ST7L: variants seen among roughly 807,000 people sequenced by gnomAD.
ST7L encodes suppression of tumorigenicity 7 like, also known as suppressor of tumorigenicity 7 protein-like.
ST7L carries 57 observed loss-of-function variants against 72.5 expected under a neutral mutation model. The ratio of observed to expected loss-of-function variants is 0.79; its 90% CI spans 0.64 to 0.98. ST7L has a LOEUF of 0.98. ST7L is among the 50% of genes least tolerant of loss of function. The pLI is 0.00. For missense variants in ST7L, 576 were observed against 672.2 expected, an observed-to-expected ratio of 0.86 and a Z score of 1.58; for synonymous variants, 221 against 240.9, an observed-to-expected ratio of 0.92 and a Z score of 0.77.
At chr1:112,602,988 G>A (rs568773788) in intron 3 of ST7L, among the ~76,000 whole-genome samples, 2 of 150,908 alleles carry the variant, frequency 1.3e-5, no homozygotes, top group South Asian at 4.2e-4. Context: ...AAACTGCTGG[G>A]ATTATAGGCA....
At chr1:112,519,225 A>T (rs1266438909), downstream of ST7L, among the ~76,000 whole-genome samples, 2 of 152,206 alleles carry the variant, frequency 1.3e-5, no homozygotes, top group African/African-American at 4.8e-5. Context: ...TATCTCCATT[A>T]TATGTATATT....
intron 11 of ST7L, among the ~76,000 whole-genome samples, chr1:112,557,234 A>T (rs983836784): frequency 6.6e-6 from 1 of 152,122 alleles, no homozygotes; most frequent in Non-Finnish European, 1.5e-5. Flanking sequence ...TGTACCCTTT[A>T]GTTACAACTC....
intron 13 of ST7L, among the ~76,000 whole-genome samples, chr1:112,549,481 A>C (rs1190049307): frequency 6.6e-6 from 1 of 152,104 alleles, no homozygotes; most frequent in Non-Finnish European, 1.5e-5. Context: ...AATTTCTCTC[A>C]GCTATATTTT....
intron 11 of ST7L, among the ~76,000 whole-genome samples, chr1:112,563,097 T>TATAATA (rs146284524): frequency 0.034 from 5,161 of 149,718 alleles, 279 homozygotes; most frequent in African/African-American, 0.11. Context: ...TTACTTTTGT[T>TATAATA]ATAATAATAA....
At chr1:112,605,829 C>T (rs1668156717) in intron 3 of ST7L, among the ~76,000 whole-genome samples, 1 of 152,212 alleles carries the variant, frequency 6.6e-6, no homozygotes, top group African/African-American at 2.4e-5. Flanking sequence ...GTGGCCTGGC[C>T]CCAGAAACTG....
chr1:112,619,227 T>C (rs1475161964), upstream of ST7L: 3 of 985,584 alleles, frequency 3.0e-6, no homozygotes, highest in Non-Finnish European at 4.5e-6. Context: ...GGCTGAGTCC[T>C]GGGGAACCGG....
intron 13 of ST7L, among the ~76,000 whole-genome samples, chr1:112,545,681 A>G (rs11102493): frequency 0.064 from 9,708 of 152,172 alleles, 765 homozygotes; most frequent in African/African-American, 0.18. Flanking sequence ...TTTTAGTTCT[A>G]GCATATTTAG....
intron 13 of ST7L, among the ~76,000 whole-genome samples, chr1:112,547,095 T>C (rs1657207279): frequency 6.6e-6 from 1 of 151,972 alleles, no homozygotes; most frequent in Admixed American, 6.6e-5. Context: ...TGATATAGGA[T>C]AGATTTACCA....
intron 9 of ST7L, among the ~76,000 whole-genome samples, chr1:112,578,682 G>A (rs537179981): frequency 1.3e-5 from 2 of 152,310 alleles, no homozygotes; most frequent in Admixed American, 6.5e-5. Context: ...GCTGAGGCAG[G>A]AGAATCGCTT....
intron 4 of ST7L, among the ~76,000 whole-genome samples, chr1:112,599,230 A>T (rs1667041276): frequency 6.6e-6 from 1 of 151,144 alleles, no homozygotes; most frequent in African/African-American, 2.4e-5. Flanking sequence ...TTGATTAAAC[A>T]CAGTAAGAGA....
At chr1:112,591,704 A>G (rs1282289843) in intron 5 of ST7L, 101 bp from the exon 6 acceptor site, 21 of 701,734 alleles carry the variant, frequency 3.0e-5, no homozygotes, top group South Asian at 5.4e-5. Flanking sequence ...TAAATAATAT[A>G]TTCTTAAACA....
chr1:112,543,758 A>G (rs1227483178), intron 13 of ST7L, among the ~76,000 whole-genome samples: 2 of 150,848 alleles, frequency 1.3e-5, no homozygotes. Flanking sequence ...AGTCACAGCT[A>G]CTTGGGAGGC....
At position 112,590,812 on chromosome 1, in the gene ST7L, C is replaced by T. The variant is rs570905297; in HGVS notation, c.701+713G>A. Among the ~76,000 whole-genome samples the T allele has an allele frequency of 9.1e-4, 139 of 152,210 alleles. 1 individual carries two copies. The highest frequency in any genetic ancestry group is 3.2e-3 in the African/African-American group (133 of 41,546). The stretch of plus-strand genomic sequence containing the variant: ...GCTATGTTTTACTTATTTTTAATCC[C>T]CTTCTCATGCCTTCAAGTCCATTAG... On this transcript the variant is annotated intron_variant, in intron 6 of 14. Transcript: ENST00000358039.
intron 11 of ST7L, chr1:112,571,371 TA>T (rs748056170): frequency 2.2e-6 from 1 of 455,558 alleles, no homozygotes; most frequent in South Asian, 1.6e-5. Flanking sequence ...AAAATGACAT[TA>T]AAATGTTAAA....
At chr1:112,597,602 G>C (rs1401973690) in intron 5 of ST7L, among the ~76,000 whole-genome samples, 1 of 152,094 alleles carries the variant, frequency 6.6e-6, no homozygotes, top group Non-Finnish European at 1.5e-5. Context: ...ATAGACTCCA[G>C]TTTTCTGTAC....
intron 9 of ST7L, among the ~76,000 whole-genome samples, chr1:112,580,492 A>G (rs561015722): frequency 6.6e-6 from 1 of 152,310 alleles, no homozygotes; most frequent in South Asian, 2.1e-4. Flanking sequence ...AGTGAAAGAT[A>G]CCACCAGAAG....
At chr1:112,604,118 G>A (rs546373336) in intron 3 of ST7L, among the ~76,000 whole-genome samples, 2 of 152,200 alleles carry the variant, frequency 1.3e-5, no homozygotes, top group African/African-American at 4.8e-5. Flanking sequence ...GACCAGCCTA[G>A]TCAACACAGT....
At chr1:112,603,698 T>G (rs1667778008) in intron 3 of ST7L, among the ~76,000 whole-genome samples, 1 of 152,200 alleles carries the variant, frequency 6.6e-6, no homozygotes, top group African/African-American at 2.4e-5. Context: ...TAACAGAAAT[T>G]TATTTTCTCA....
rs1665730222 is a variant in ST7L, at chr1:112,591,580, T to C, written c.646A>G (p.Arg216Gly). The change falls in exon 6 of 15, where the codon AGA becomes GGA. Residue 216 changes from arginine (R) to glycine (G), a missense_variant. By Grantham distance (125) the Arg-to-Gly change is moderately radical (BLOSUM62 -2). Coordinates refer to ENST00000358039, the MANE Select transcript of ST7L (RefSeq NM_017744.5). ...GCTTTGATTCGAGCTGGAGGATTTC[T>C]TTCCCTCCAAGCCTTCTGCATAACT... Reference protein sequence around the residue: ...DTVMQKAWRERNPPARIKAAY... With the variant: ...DTVMQKAWREGNPPARIKAAY... 6.2e-7 allele frequency: 1 copy of C among 1,611,658 alleles called. No individual in the cohort carries two copies.
Sources: gnomAD v4.1 joint callset for allele counts (sites outside exome capture counted in the v4.1 genomes callset) on GRCh38, gnomAD v4.1.1 for gene constraint, MANE v1.5 for transcripts, NCBI Gene and HGNC (gene_info 2026-07-23, HGNC 2026-07-21) for gene names.